KCTD16: variants seen among roughly 807,000 people sequenced by gnomAD.
KCTD16 encodes the protein BTB/POZ domain-containing protein KCTD16.
Under a neutral mutation model 33.2 loss-of-function variants are expected in KCTD16, and 13 were observed. That is an observed-to-expected ratio of 0.39 (90% CI 0.25 to 0.62). The LOEUF (loss-of-function observed/expected upper bound fraction) is 0.62, where lower values mean the gene tolerates loss of function less well. KCTD16 is among the 20% of genes least tolerant of loss of function. The probability of loss-of-function intolerance (pLI) is 0.50; values close to 1 mark genes in which losing one functional copy is unlikely to be tolerated. For synonymous variants in KCTD16, 197 were observed against 195.3 expected, an observed-to-expected ratio of 1.01 and a Z score of -0.07; for missense variants, 441 against 525.1, an observed-to-expected ratio of 0.84 and a Z score of 1.57.
chr5:144,353,540 A>G (rs780296634), intron 3 of KCTD16, among the ~76,000 whole-genome samples: 1 of 152,194 alleles, frequency 6.6e-6, no homozygotes, highest in Non-Finnish European at 1.5e-5. Context: ...CATTATTGTA[A>G]AAGTTAAAAT....
chr5:144,223,623 G>A (rs1476926921), intron 3 of KCTD16, among the ~76,000 whole-genome samples: 1 of 151,660 alleles, frequency 6.6e-6, no homozygotes, highest in African/African-American at 2.4e-5. Flanking sequence ...TGCAATGCTG[G>A]ATGAAAGTGT....
chr5:144,331,437 A>G (rs1222901326), intron 3 of KCTD16, among the ~76,000 whole-genome samples: 2 of 152,186 alleles, frequency 1.3e-5, no homozygotes, highest in African/African-American at 4.8e-5. Context: ...TTAAATATGC[A>G]AAAAGACTTC....
At chr5:144,424,245 G>C (rs1182352286) in intron 3 of KCTD16, among the ~76,000 whole-genome samples, 1 of 152,164 alleles carries the variant, frequency 6.6e-6, no homozygotes, top group South Asian at 2.1e-4. Context: ...GGTCTAAGAA[G>C]CTTCTAAGTG....
rs1363571949 is a variant in KCTD16 at position 144,479,257 on chromosome 5, T to C, written c.*5143T>C. 1 of 151,622 alleles carries C rather than the reference T, an allele frequency of 6.6e-6. No individual in the cohort carries two copies. The highest frequency in any genetic ancestry group is 1.9e-4 in the East Asian group (1 of 5,154). 9.4% of individuals were successfully genotyped at this position (151,622 alleles called of 1,614,324 possible). On this transcript the variant is annotated 3_prime_UTR_variant, in exon 4 of 4. Transcript: ENST00000512467. Reference sequence around the variant, plus strand: ...ATCCTGCGCCATTGAACTGCTAAATTTGTCCAATTTGACTCAATCAGGACT... The same window carrying C: ...ATCCTGCGCCATTGAACTGCTAAATCTGTCCAATTTGACTCAATCAGGACT...
At chr5:144,408,974 G>T (rs556653583) in intron 3 of KCTD16, among the ~76,000 whole-genome samples, 2 of 152,162 alleles carry the variant, frequency 1.3e-5, no homozygotes, top group East Asian at 3.9e-4. Flanking sequence ...TCACATTTTT[G>T]TGACTCACTT....
intron 3 of KCTD16, among the ~76,000 whole-genome samples, chr5:144,339,465 G>A (rs1479583860): frequency 6.6e-6 from 1 of 151,890 alleles, no homozygotes; most frequent in Admixed American, 6.6e-5. Context: ...TCTTGCCCTT[G>A]CCCAAGCTTT....
chr5:144,433,497 T>A (rs1300205411), intron 3 of KCTD16, among the ~76,000 whole-genome samples: 2 of 152,140 alleles, frequency 1.3e-5, no homozygotes, highest in African/African-American at 2.4e-5. Flanking sequence ...CTGATTTTTT[T>A]AAAATGACCA....
intron 3 of KCTD16, among the ~76,000 whole-genome samples, chr5:144,291,487 G>T (rs566579446): frequency 6.6e-6 from 1 of 152,208 alleles, no homozygotes; most frequent in African/African-American, 2.4e-5. Context: ...CTTATTGAAA[G>T]ATCTTGTACC....
chr5:144,250,303 C>G (rs1754663425), intron 3 of KCTD16, among the ~76,000 whole-genome samples: 1 of 152,184 alleles, frequency 6.6e-6, no homozygotes, highest in Admixed American at 6.5e-5. Context: ...CCACCACACT[C>G]TAGCTCTTTC....
At position 144,473,691 on chromosome 5, in the gene KCTD16, C is replaced by T. The variant is rs768373714; in HGVS notation, c.864C>T (p.Cys288=). The T allele has an allele frequency of 1.9e-5, 30 of 1,607,416 alleles. No individual in the cohort carries two copies. The highest frequency in any genetic ancestry group is 9.4e-5 in the African/African-American group (7 of 74,782). The change falls in exon 4 of 4, where the codon TGC becomes TGT. Residue 288 remains cysteine, a synonymous_variant. Coordinates refer to ENST00000512467, the MANE Select transcript of KCTD16 (RefSeq NM_020768.4). ...CTTCCAGATGGTCACCCTCACACTG[C>T]GATTGCTGCTGCAAGAATGGCAAAG... The part of the protein sequence containing the change: ...REPSRWSPSH[C]DCCCKNGKGD...
chr5:144,390,532 T>TC (rs1236224208), intron 3 of KCTD16, among the ~76,000 whole-genome samples: 1 of 151,816 alleles, frequency 6.6e-6, no homozygotes, highest in Non-Finnish European at 1.5e-5. Flanking sequence ...TTTAATTTTT[T>TC]TTTTTATTAT....
rs562866488 is a variant in KCTD16 at position 144,224,930 on chromosome 5, A to G, written c.832+17384A>G. Among the ~76,000 whole-genome samples the G allele has an allele frequency of 3.9e-5, 6 of 152,328 alleles. No homozygotes were observed. In the East Asian group the frequency reaches 1.2e-3, roughly 29 times the overall value. On this transcript the variant is annotated intron_variant, in intron 3 of 3. Coordinates refer to ENST00000512467, the MANE Select transcript of KCTD16 (RefSeq NM_020768.4). ...TTAGGGACTGCTTCAGAATTTCCGTATAGTAGAACCTAGTAGTATCCATCT... is the reference window on the plus strand; with the variant it reads ...TTAGGGACTGCTTCAGAATTTCCGTGTAGTAGAACCTAGTAGTATCCATCT...
At chr5:144,278,480 G>A (rs1297945084) in intron 3 of KCTD16, among the ~76,000 whole-genome samples, 2 of 134,400 alleles carry the variant, frequency 1.5e-5, no homozygotes, top group Non-Finnish European at 3.2e-5. Context: ...TTGTTTGTTA[G>A]TCTTCTTTTT....
chr5:144,352,668 G>T lies in KCTD16; in HGVS notation c.833-120992G>T, dbSNP rs150627763. Reference sequence around the variant, plus strand: ...GGTTGTGCCCTGTTCCTGAAGAAATGGAGACACTTAATTTTTCACGTGCTT... The same window carrying T: ...GGTTGTGCCCTGTTCCTGAAGAAATTGAGACACTTAATTTTTCACGTGCTT... On this transcript the variant is annotated intron_variant, in intron 3 of 3. Transcript: ENST00000512467. Among the ~76,000 whole-genome samples the T allele has an allele frequency of 1.1e-3, 169 of 152,286 alleles. 1 individual carries two copies. Among genetic ancestry groups the T allele is most frequent in the Middle Eastern group, 6.8e-3 (2 of 294 alleles).
chr5:144,433,834 G>GA (rs1173059523), intron 3 of KCTD16, among the ~76,000 whole-genome samples: 1 of 152,130 alleles, frequency 6.6e-6, no homozygotes, highest in Non-Finnish European at 1.5e-5. Context: ...TTTTGCTTGT[G>GA]AAAAACAATG....
intron 3 of KCTD16, among the ~76,000 whole-genome samples, chr5:144,334,918 C>A (rs901210303): frequency 6.6e-6 from 1 of 151,888 alleles, no homozygotes; most frequent in Non-Finnish European, 1.5e-5. Flanking sequence ...CTGGGACTAC[C>A]GGCATGTACT....
chr5:144,188,035 C>T (rs1752764425), intron 2 of KCTD16, among the ~76,000 whole-genome samples: 1 of 152,186 alleles, frequency 6.6e-6, no homozygotes, highest in South Asian at 2.1e-4. Context: ...AATTATGTAT[C>T]TGGAGTTGTT....
chr5:144,463,186 T>G (rs1754242470), intron 3 of KCTD16, among the ~76,000 whole-genome samples: 3 of 152,196 alleles, frequency 2.0e-5, no homozygotes, highest in Non-Finnish European at 4.4e-5. Context: ...ATGAGATTAA[T>G]TCTTTGGTAG....
chr5:144,392,387 G>A (rs1580926755), intron 3 of KCTD16, among the ~76,000 whole-genome samples: 1 of 152,328 alleles, frequency 6.6e-6, no homozygotes, highest in East Asian at 1.9e-4. Flanking sequence ...CCTCATTTAA[G>A]ATGCTCAATC....
Sources: allele counts gnomAD v4.1 joint callset (sites outside exome capture counted in the v4.1 genomes callset), GRCh38; gene constraint gnomAD v4.1.1; transcripts MANE v1.5; gene names NCBI Gene and HGNC (gene_info 2026-07-23, HGNC 2026-07-21).